Variants in ARNT2 observed in about 807,000 individuals in gnomAD.
ARNT2 encodes ARNT protein 2.
Under a neutral mutation model 91.7 loss-of-function variants are expected in ARNT2, and 36 were observed. The ratio of observed to expected loss-of-function variants is 0.39; its 90% confidence interval spans 0.30 to 0.52. The LOEUF is 0.52. ARNT2 is among the 20% of genes least tolerant of loss of function. ARNT2 has a pLI of 0.72. For synonymous variants in ARNT2, 365 were observed against 347.1 expected (o/e 1.05, Z -0.57); for missense variants, 775 against 939.3 (o/e 0.83, Z 2.29).
rs1485646324 is a variant in ARNT2, at chr15:80,568,643, G to A, written c.1316+5404G>A. On this transcript the variant is annotated intron_variant, in intron 12 of 18. Coordinates refer to ENST00000303329, the MANE Select transcript of ARNT2 (RefSeq NM_014862.4). ...TTCCTGGTCTCTGCAGAGCGTAGAG[G>A]CAGTAAGGGGCTGAAACAGCCAGTC... is the stretch of plus-strand genomic sequence containing the variant. 1.3e-5 allele frequency among the ~76,000 whole-genome samples: 2 copies of A among 152,238 alleles called. 1 individual carries two copies. The highest frequency in any genetic ancestry group is 4.1e-4 in the South Asian group (2 of 4,834).
intron 8 of ARNT2, among the ~76,000 whole-genome samples, chr15:80,543,960 C>T (rs573721078): frequency 6.6e-6 from 1 of 152,066 alleles, no homozygotes; most frequent in Non-Finnish European, 1.5e-5. Flanking sequence ...AGGCTGGTCT[C>T]AAACTCCTGA....
chr15:80,467,349 C>T (rs1470470193), intron 3 of ARNT2, among the ~76,000 whole-genome samples: 1 of 152,116 alleles, frequency 6.6e-6, no homozygotes, highest in Non-Finnish European at 1.5e-5. Flanking sequence ...GGGAGCAGTT[C>T]CACGTGTGCT....
chr15:80,583,169 C>G (rs762868904), intron 17 of ARNT2, among the ~76,000 whole-genome samples: 4 of 152,346 alleles, frequency 2.6e-5, no homozygotes, highest in African/African-American at 4.8e-5. Flanking sequence ...TCTGCAGGTG[C>G]GGCAGCCATG....
chr15:80,461,978 A>G (rs1896562358), intron 3 of ARNT2, among the ~76,000 whole-genome samples: 1 of 152,150 alleles, frequency 6.6e-6, no homozygotes, highest in Non-Finnish European at 1.5e-5. Flanking sequence ...TTCTCCAAAG[A>G]TGATCCTCCC....
chr15:80,563,713 G>T (rs1898415617), intron 12 of ARNT2, among the ~76,000 whole-genome samples: 1 of 152,166 alleles, frequency 6.6e-6, no homozygotes, highest in Admixed American at 6.5e-5. Flanking sequence ...AAGGACACAT[G>T]ATTTCCCTGC....
chr15:80,514,799 T>A (rs1897406159), intron 8 of ARNT2, among the ~76,000 whole-genome samples: 1 of 151,618 alleles, frequency 6.6e-6, no homozygotes, highest in South Asian at 2.1e-4. Flanking sequence ...GGCAGGAGAG[T>A]CGCTTGAACC....
chr15:80,534,218 G>A lies in ARNT2; in HGVS notation c.878-16981G>A, dbSNP rs557235139. On this transcript the variant is annotated intron_variant, in intron 8 of 18. Coordinates refer to ENST00000303329, the MANE Select transcript of ARNT2 (RefSeq NM_014862.4). Reference sequence around the variant, plus strand: ...AGAGTCGGAATGGTACACCACACTCGTCTTTCTGGCATTGTTTGAGAATGA... The same window carrying A: ...AGAGTCGGAATGGTACACCACACTCATCTTTCTGGCATTGTTTGAGAATGA... Among the ~76,000 whole-genome samples, 173 of 152,206 alleles carry A rather than the reference G, an allele frequency of 1.1e-3. 4 individuals carry two copies. Among genetic ancestry groups the A allele is most frequent in the Admixed American group, 2.4e-3 (36 of 15,296 alleles).
At chr15:80,555,483 G>C in intron 11 of ARNT2, 1 of 236,200 alleles carries the variant, frequency 4.2e-6, no homozygotes, top group Non-Finnish European at 8.4e-6. Flanking sequence ...GAATAAATGA[G>C]TGAACATTCT....
chr15:80,464,328 G>C (rs1010777770), intron 3 of ARNT2, among the ~76,000 whole-genome samples: 25 of 151,972 alleles, frequency 1.6e-4, no homozygotes, highest in Non-Finnish European at 2.6e-4. Flanking sequence ...CTGGGGGTGG[G>C]GGGTTGCAAG....
chr15:80,581,161 G>C, intron 16 of ARNT2, 78 bp from the exon 17 acceptor site: 1 of 1,556,564 alleles, frequency 6.4e-7, no homozygotes, highest in Non-Finnish European at 8.8e-7. Flanking sequence ...CTGCCCCTGC[G>C]ACCAGCCTGG....
Position 80,591,855 on chromosome 15 carries a change from C to T in ARNT2, c.2055+151C>T. On this transcript the variant is annotated intron_variant, in intron 18 of 18. Transcript: ENST00000303329. The surrounding 1 kb of genome is among the most constrained non-coding windows in gnomAD (Gnocchi z 5.1). ...CGAGGGAGTCCAGGAGTAGAAAGCCCCATCCTACCCAGCCAGAAACGTCAG... is the reference window on the plus strand; with the variant it reads ...CGAGGGAGTCCAGGAGTAGAAAGCCTCATCCTACCCAGCCAGAAACGTCAG... 7.9e-7 allele frequency: 1 copy of T among 1,262,900 alleles called. No individual in the cohort carries two copies. Among genetic ancestry groups the T allele is most frequent in the Non-Finnish European group, 1.1e-6 (1 of 931,974 alleles). The allele number at this position is 1,262,900 out of a possible 1,614,324, so 78.2% of individuals were successfully genotyped here.
chr15:80,419,269 G>T (rs181032126), intron 1 of ARNT2, among the ~76,000 whole-genome samples: 7 of 152,316 alleles, frequency 4.6e-5, no homozygotes, highest in Admixed American at 6.5e-5. Context: ...CAGTGATGCT[G>T]GTACTGCTGG....
intron 8 of ARNT2, among the ~76,000 whole-genome samples, chr15:80,537,242 G>T (rs533844740): frequency 6.6e-6 from 1 of 152,116 alleles, no homozygotes; most frequent in Admixed American, 6.5e-5. Flanking sequence ...GCATCTGTTT[G>T]TCTCCTCTGC....
intron 10 of ARNT2, 98 bp downstream of exon 10, chr15:80,552,872 G>T: frequency 6.8e-7 from 1 of 1,463,128 alleles, no homozygotes; most frequent in Non-Finnish European, 9.3e-7. Context: ...TGGCCATGTG[G>T]AGAAACATCA....
intron 9 of ARNT2, among the ~76,000 whole-genome samples, chr15:80,552,263 C>T (rs1019801299): frequency 1.2e-4 from 18 of 152,178 alleles, no homozygotes; most frequent in East Asian, 7.7e-4. Context: ...TCCTTAGGCT[C>T]GTTTGCCATC....
intron 8 of ARNT2, among the ~76,000 whole-genome samples, chr15:80,522,783 G>T (rs1292359108): frequency 7.3e-6 from 1 of 137,072 alleles, no homozygotes; most frequent in African/African-American, 3.0e-5. Context: ...ATATATATCT[G>T]TTTGATATTT....
At chr15:80,468,052 A>AC (rs1264519085) in intron 3 of ARNT2, among the ~76,000 whole-genome samples, 1 of 150,870 alleles carries the variant, frequency 6.6e-6, no homozygotes, top group African/African-American at 2.4e-5. Flanking sequence ...ACCTCTATCT[A>AC]CCCCCGAGTC....
At chr15:80,583,304 G>A (rs911956079) in intron 17 of ARNT2, among the ~76,000 whole-genome samples, 14 of 152,218 alleles carry the variant, frequency 9.2e-5, no homozygotes, top group Admixed American at 4.6e-4. Flanking sequence ...CACTGTGGCC[G>A]TGACGAGACA....
At chr15:80,440,285 A>G (rs1595962886) in intron 1 of ARNT2, among the ~76,000 whole-genome samples, 1 of 152,182 alleles carries the variant, frequency 6.6e-6, no homozygotes, top group Non-Finnish European at 1.5e-5. Flanking sequence ...GTCATCTCGC[A>G]CAGAGTGGGG....
Sources: allele counts gnomAD v4.1 joint callset (sites outside exome capture counted in the v4.1 genomes callset), GRCh38; gene constraint gnomAD v4.1.1; non-coding constraint Gnocchi (gnomAD v3.1); transcripts MANE v1.5; gene names NCBI Gene and HGNC (gene_info 2026-07-23, HGNC 2026-07-21).